The following CHCHD6 variants were observed in gnomAD, a reference collection of about 807,000 sequenced individuals.
CHCHD6 encodes coiled-coil-helix-coiled-coil-helix domain containing 6, also known as MICOS complex subunit MIC25.
A neutral mutation model predicts 32.3 loss-of-function variants in CHCHD6; 28 were observed. That is an observed-to-expected ratio of 0.87 (90% CI 0.64 to 1.19). The LOEUF is 1.19. Ranked by LOEUF, CHCHD6 falls within the 50% of genes most tolerant of loss-of-function variation. The pLI is 0.00. For synonymous variants in CHCHD6, 122 were observed against 117.5 expected, an observed-to-expected ratio of 1.04 and a Z score of -0.25; for missense variants, 333 against 307.0, an observed-to-expected ratio of 1.08 and a Z score of -0.63.
At chr3:126,845,087 G>A (rs1250592621) in intron 4 of CHCHD6, among the ~76,000 whole-genome samples, 1 of 152,212 alleles carries the variant, frequency 6.6e-6, no homozygotes, top group African/African-American at 2.4e-5. Context: ...ATTGCTTTAA[G>A]CCACTAAGTT....
intron 4 of CHCHD6, chr3:126,767,435 A>G: frequency 1.4e-6 from 1 of 706,778 alleles, no homozygotes; most frequent in Non-Finnish European, 2.6e-6. Context: ...ACCATGTCCC[A>G]GCTGCCCTTT....
chr3:126,911,871 G>A (rs1378070394), intron 5 of CHCHD6, among the ~76,000 whole-genome samples: 1 of 152,222 alleles, frequency 6.6e-6, no homozygotes, highest in Non-Finnish European at 1.5e-5. Flanking sequence ...GGGCCTGCAG[G>A]ATGGTGACCT....
At chr3:126,858,697 C>T (rs1576504303) in intron 5 of CHCHD6, among the ~76,000 whole-genome samples, 1 of 152,334 alleles carries the variant, frequency 6.6e-6, no homozygotes, top group Admixed American at 6.5e-5. Flanking sequence ...ATGCGGCAGG[C>T]CCACTGTTAG....
At chr3:126,759,102 A>G (rs1397013593) in intron 4 of CHCHD6, among the ~76,000 whole-genome samples, 1 of 152,126 alleles carries the variant, frequency 6.6e-6, no homozygotes, top group Non-Finnish European at 1.5e-5. Context: ...ACTTTCTACC[A>G]GCAGCTCTTA....
intron 4 of CHCHD6, among the ~76,000 whole-genome samples, chr3:126,737,396 A>G (rs1001317897): frequency 7.2e-5 from 10 of 139,364 alleles, no homozygotes; most frequent in African/African-American, 2.9e-4. Flanking sequence ...GTGAGTATAT[A>G]TATATATATA....
intron 6 of CHCHD6, among the ~76,000 whole-genome samples, chr3:126,929,434 G>C (rs2078371100): frequency 1.3e-5 from 2 of 152,152 alleles, no homozygotes; most frequent in African/African-American, 4.8e-5. Context: ...TCCATGCATG[G>C]CTACTAAGTG....
chr3:126,741,532 G>A (rs1327711534), intron 4 of CHCHD6, among the ~76,000 whole-genome samples: 1 of 152,136 alleles, frequency 6.6e-6, no homozygotes, highest in East Asian at 1.9e-4. Context: ...TCAACCTGCT[G>A]TTGAAAGACC....
chr3:126,926,518 C>T (rs1559926597), intron 6 of CHCHD6, among the ~76,000 whole-genome samples: 1 of 152,076 alleles, frequency 6.6e-6, no homozygotes, highest in Non-Finnish European at 1.5e-5. Context: ...TGAAGTGGAC[C>T]AGGGCAGGCT....
intron 6 of CHCHD6, among the ~76,000 whole-genome samples, chr3:126,936,269 G>T (rs946288332): frequency 6.6e-6 from 1 of 152,162 alleles, no homozygotes; most frequent in Non-Finnish European, 1.5e-5. Flanking sequence ...TGGTGATGCT[G>T]CCCTTGCAGA....
Position 126,960,318 on chromosome 3 carries a change from G to C in CHCHD6, c.*117G>C. 1.6e-6 allele frequency: 2 copies of C among 1,238,690 alleles called. No individual in the cohort carries two copies. Among genetic ancestry groups the C allele is most frequent in the South Asian group, 2.6e-5 (2 of 77,630 alleles). 76.7% of individuals were successfully genotyped at this position (1,238,690 alleles called of 1,614,324 possible). On this transcript the variant is annotated 3_prime_UTR_variant, in exon 8 of 8. Transcript: ENST00000290913. ...CTGCTGGGCCCCTGCATATGCCCCT[G>C]AGCCTGGGGCTGCCACGTGTTTAGG...
intron 5 of CHCHD6, among the ~76,000 whole-genome samples, chr3:126,863,636 C>G (rs562258994): frequency 7.2e-6 from 1 of 139,210 alleles, no homozygotes; most frequent in Admixed American, 7.0e-5. Flanking sequence ...ACCTCACCCT[C>G]TTCCACCATC....
In CHCHD6 at chr3:126,861,233, G is replaced by A. The variant is rs1024794459; in HGVS notation, c.495+8503G>A. Among the ~76,000 whole-genome samples the A allele has an allele frequency of 5.3e-5, 8 of 152,152 alleles. No individual in the cohort carries two copies. In the South Asian group the frequency reaches 8.3e-4, roughly 16 times the overall value. ...CTGCCTCCTTGCATCCCTGTCCACA[G>A]ACCTACAGTTTTTCCACTATAGTGT... On this transcript the variant is annotated intron_variant, in intron 5 of 7. Transcript: ENST00000290913.
chr3:126,870,495 T>G (rs563219366), intron 5 of CHCHD6, among the ~76,000 whole-genome samples: 1 of 152,150 alleles, frequency 6.6e-6, no homozygotes, highest in Non-Finnish European at 1.5e-5. Context: ...ACTTGTCCTT[T>G]TGGTTTTGTC....
chr3:126,818,120 C>CT (rs1257341724), intron 4 of CHCHD6, among the ~76,000 whole-genome samples: 2 of 152,174 alleles, frequency 1.3e-5, no homozygotes, highest in South Asian at 4.1e-4. Context: ...TTCCTCCTCA[C>CT]TTTTTTTAGG....
intron 6 of CHCHD6, chr3:126,956,954 C>T (rs1011741804): frequency 2.3e-5 from 4 of 171,862 alleles, no homozygotes; most frequent in Admixed American, 5.5e-5. Flanking sequence ...GGGTAAACCA[C>T]AGGCACAGGA....
At chr3:126,764,360 C>T (rs60140751) in intron 4 of CHCHD6, among the ~76,000 whole-genome samples, 2,491 of 152,212 alleles carry the variant, frequency 0.016, 66 homozygotes, top group African/African-American at 0.055. Flanking sequence ...CAGATGCCCA[C>T]GGGGTCAGCA....
rs754064965 is a variant in CHCHD6 at position 126,733,177 on chromosome 3, G to T, written c.366G>T (p.Thr122=). Residue 122 remains threonine, a synonymous_variant, in exon 4 of 8, where the codon ACG becomes ACT. Coordinates refer to ENST00000290913, the MANE Select transcript of CHCHD6 (RefSeq NM_032343.3). ...AGCACTCCAAGGCATCCCTGCCCAC[G>T]GGCGAAGGCAGCATCAGCCATGAGG... ...ATKHSKASLP[T]GEGSISHEEQ... The T allele has an allele frequency of 6.2e-7, 1 of 1,614,076 alleles. No individual in the cohort carries two copies.
intron 4 of CHCHD6, among the ~76,000 whole-genome samples, chr3:126,813,544 C>G (rs184712848): frequency 6.6e-6 from 1 of 152,280 alleles, no homozygotes; most frequent in Admixed American, 6.5e-5. Context: ...GAGCTTTCAC[C>G]CACATGAGCT....
rs117752249 is a variant in CHCHD6 at position 126,833,494 on chromosome 3, C to T, written c.412-19153C>T. On this transcript the variant is annotated intron_variant, in intron 4 of 7. Coordinates refer to ENST00000290913, the MANE Select transcript of CHCHD6 (RefSeq NM_032343.3). ...AGAATCATTCACACAGTGCTTTGCA[C>T]GCGATATGTCTTTGATGGAGACCTA... is the stretch of plus-strand genomic sequence containing the variant. Among the ~76,000 whole-genome samples the T allele has an allele frequency of 3.2e-3, 486 of 152,324 alleles. 3 individuals are homozygous for T. Among genetic ancestry groups the T allele is most frequent in the African/African-American group, 0.011 (460 of 41,588 alleles).
Sources: allele counts gnomAD v4.1 joint callset (sites outside exome capture counted in the v4.1 genomes callset), GRCh38; gene constraint gnomAD v4.1.1; transcripts MANE v1.5; gene names NCBI Gene and HGNC (gene_info 2026-07-23, HGNC 2026-07-21).